The following PGM5 variants were observed in gnomAD, a reference collection of about 807,000 sequenced individuals.
The protein encoded by PGM5 is phosphoglucomutase 5.
Under a neutral mutation model 59.2 loss-of-function variants are expected in PGM5, and 23 were observed. The observed-to-expected ratio is 0.39, with a 90% CI of 0.28 to 0.55. PGM5 has a LOEUF of 0.55. Among genes scored for constraint, PGM5 ranks in the 20% least tolerant of loss-of-function variants. The probability of loss-of-function intolerance (pLI) is 0.66; values close to 1 mark genes in which losing one functional copy is unlikely to be tolerated. For synonymous variants in PGM5, 214 were observed against 286.0 expected (o/e 0.75, Z 2.54); for missense variants, 574 against 748.3 (o/e 0.77, Z 2.72).
intron 7 of PGM5, among the ~76,000 whole-genome samples, chr9:68,469,957 G>T (rs573948106): frequency 6.6e-6 from 1 of 152,296 alleles, no homozygotes; most frequent in Non-Finnish European, 1.5e-5. Flanking sequence ...GATTTGGGAA[G>T]ATTTATAAAA....
chr9:68,495,478 G>C (rs146604332), intron 9 of PGM5, among the ~76,000 whole-genome samples: 146 of 152,314 alleles, frequency 9.6e-4, no homozygotes, highest in African/African-American at 3.3e-3. Context: ...GGAAGGAAAG[G>C]CTTTCCTAAT....
chr9:68,494,769 C>T (rs184121911), intron 9 of PGM5, among the ~76,000 whole-genome samples: 24 of 152,322 alleles, frequency 1.6e-4, no homozygotes, highest in African/African-American at 5.8e-4. Flanking sequence ...GAGGAATAAA[C>T]AGTCAAGCCC....
intron 6 of PGM5, among the ~76,000 whole-genome samples, chr9:68,429,680 A>G (rs1587807046): frequency 6.6e-6 from 1 of 152,302 alleles, no homozygotes; most frequent in East Asian, 1.9e-4. Flanking sequence ...ATTCCTACCA[A>G]TTGCAGCATC....
chr9:68,529,107 C>T (rs1450188277), intron 10 of PGM5, among the ~76,000 whole-genome samples: 2 of 150,846 alleles, frequency 1.3e-5, no homozygotes, highest in Non-Finnish European at 2.9e-5. Context: ...TCAGAAACAT[C>T]AGGATTGTGG....
intron 10 of PGM5, among the ~76,000 whole-genome samples, chr9:68,519,184 G>C (rs1441530979): frequency 6.6e-6 from 1 of 152,056 alleles, no homozygotes; most frequent in Non-Finnish European, 1.5e-5. Flanking sequence ...AATTCTCAAG[G>C]ATATTCTTCA....
chr9:68,403,948 A>G (rs1822739983), intron 6 of PGM5, among the ~76,000 whole-genome samples: 1 of 152,222 alleles, frequency 6.6e-6, no homozygotes, highest in South Asian at 2.1e-4. Context: ...TAAGACTTCC[A>G]GGAAAATGTT....
chr9:68,518,758 C>T (rs1408623889), intron 10 of PGM5, among the ~76,000 whole-genome samples: 1 of 152,156 alleles, frequency 6.6e-6, no homozygotes, highest in Non-Finnish European at 1.5e-5. Context: ...GATGAAAGAT[C>T]ATATTCGGAA....
At chr9:68,514,731 A>G (rs1824800287) in intron 10 of PGM5, among the ~76,000 whole-genome samples, 1 of 152,230 alleles carries the variant, frequency 6.6e-6, no homozygotes, top group Admixed American at 6.5e-5. Flanking sequence ...CATTGTCTCC[A>G]CACCAGACAA....
chr9:68,490,108 T>G (rs1824365520), intron 9 of PGM5, among the ~76,000 whole-genome samples: 1 of 152,232 alleles, frequency 6.6e-6, no homozygotes, highest in African/African-American at 2.4e-5. Context: ...AATAGTAAAT[T>G]GGCAATCTCA....
At position 68,479,609 on chromosome 9, in the gene PGM5, G is replaced by A. The variant is rs1252289318; in HGVS notation, c.1295+56G>A. On this transcript the variant is annotated intron_variant, in intron 8 of 10. Transcript: ENST00000396396. ...ACCCTGAAGAACTACTCCTAGAACAGGTTTCTAAAACTGATGGGCTAGAAC... is the reference window on the plus strand; with the variant it reads ...ACCCTGAAGAACTACTCCTAGAACAAGTTTCTAAAACTGATGGGCTAGAAC... 11 of 1,569,152 alleles carry A rather than the reference G, an allele frequency of 7.0e-6. No individual in the cohort carries two copies. In the African/African-American group the frequency reaches 8.2e-5, roughly 12 times the overall value.
intron 10 of PGM5, among the ~76,000 whole-genome samples, chr9:68,500,494 G>A (rs142011502): frequency 6.6e-6 from 1 of 152,090 alleles, no homozygotes; most frequent in African/African-American, 2.4e-5. Context: ...AAGAGCATGA[G>A]TGGGCAAAGC....
Position 68,391,740 on chromosome 9 carries a change from G to T in PGM5, c.888+16G>T. 1 of 1,607,860 alleles carries T rather than the reference G, an allele frequency of 6.2e-7. No individual in the cohort carries two copies. The highest frequency in any genetic ancestry group is 1.7e-5 in the Admixed American group (1 of 59,680). ...TGCTGATGGGGTAAGTAGGAAAGCT[G>T]TCTGTCTGCTGACCCTTTGATCATA... On this transcript the variant is annotated intron_variant, in intron 5 of 10. Transcript: ENST00000396396.
chr9:68,448,424 A>G lies in PGM5; in HGVS notation c.1044-16669A>G, dbSNP rs535693945. ...TCATGCACAGCCTGTTCCCACTTAG[A>G]GGCTTCCACCCAGCACCCAAGAGTC... On this transcript the variant is annotated intron_variant, in intron 6 of 10. Transcript: ENST00000396396. 2.0e-5 allele frequency among the ~76,000 whole-genome samples: 3 copies of G among 152,222 alleles called. No homozygotes were observed. The South Asian group carries it at 6.2e-4, about 32-fold the overall frequency.
chr9:68,463,690 T>C (rs1823891371), intron 6 of PGM5, among the ~76,000 whole-genome samples: 1 of 152,200 alleles, frequency 6.6e-6, no homozygotes, highest in Non-Finnish European at 1.5e-5. Flanking sequence ...TATACACCTT[T>C]GTTACTGATT....
At chr9:68,420,228 C>T (rs1330617235) in intron 6 of PGM5, among the ~76,000 whole-genome samples, 1 of 152,128 alleles carries the variant, frequency 6.6e-6, no homozygotes, top group Non-Finnish European at 1.5e-5. Flanking sequence ...TGGTGTGGCT[C>T]AAAGACAGAG....
chr9:68,475,722 C>T (rs1193102199), intron 7 of PGM5, among the ~76,000 whole-genome samples: 2 of 152,114 alleles, frequency 1.3e-5, no homozygotes, highest in African/African-American at 4.8e-5. Flanking sequence ...ATTGAATAAA[C>T]ATGGTTTTCT....
chr9:68,406,686 A>ATATATATATATATATATATGTG (rs1822822033), intron 6 of PGM5, among the ~76,000 whole-genome samples: 1 of 45,912 alleles, frequency 2.2e-5, no homozygotes, highest in African/African-American at 9.0e-5. Flanking sequence ...ATGTATATAT[A>ATATATATATATATATATATGTG]TATATATATA....
At chr9:68,485,874 G>C (rs375183708) in intron 9 of PGM5, among the ~76,000 whole-genome samples, 1 of 152,186 alleles carries the variant, frequency 6.6e-6, no homozygotes, top group African/African-American at 2.4e-5. Flanking sequence ...TAGCTCAAGG[G>C]GGGTGATGAG....
chr9:68,384,712 A>C lies in PGM5; in HGVS notation c.571+168A>C, dbSNP rs546327340. On this transcript the variant is annotated intron_variant, in intron 3 of 10. Coordinates refer to ENST00000396396, the MANE Select transcript of PGM5 (RefSeq NM_021965.4). ...GTAGAGAGAAGACATGAGAGCAGCC[A>C]AGATATTCAGAACTGGAAACTTTCA... Among the ~76,000 whole-genome samples the C allele has an allele frequency of 4.2e-4, 62 of 149,062 alleles. No individual in the cohort carries two copies. The South Asian group carries it at 0.013, about 31-fold the overall frequency.
Sources: gnomAD v4.1 joint callset for allele counts (sites outside exome capture counted in the v4.1 genomes callset) on GRCh38, gnomAD v4.1.1 for gene constraint, MANE v1.5 for transcripts, NCBI Gene and HGNC (gene_info 2026-07-23, HGNC 2026-07-21) for gene names.